The following ZNF12 variants were observed in gnomAD, a reference collection of about 807,000 sequenced individuals.
The protein encoded by ZNF12 is gonadotropin inducible transcription repressor 3.
Under a neutral mutation model 66.6 loss-of-function variants are expected in ZNF12, and 34 were observed. That is an observed-to-expected ratio of 0.51 (90% confidence interval 0.39 to 0.68). The LOEUF (loss-of-function observed/expected upper bound fraction) is 0.68, where lower values mean the gene tolerates loss of function less well. ZNF12 is among the 30% of genes least tolerant of loss of function. The pLI, the probability that ZNF12 is intolerant of heterozygous loss-of-function variation, is 0.00. For synonymous variants in ZNF12, 320 were observed against 278.9 expected (o/e 1.15, Z -1.47); for missense variants, 697 against 826.9 (o/e 0.84, Z 1.93).
chr7:6,696,501 C>T lies in ZNF12; in HGVS notation c.238+838G>A, dbSNP rs976361715. Among the ~76,000 whole-genome samples, 5 of 151,964 alleles carry T rather than the reference C, an allele frequency of 3.3e-5. No individual in the cohort carries two copies. The highest frequency in any genetic ancestry group is 2.1e-4 in the South Asian group (1 of 4,822). On this transcript the variant is annotated intron_variant, in intron 4 of 4. Coordinates refer to ENST00000405858, the MANE Select transcript of ZNF12 (RefSeq NM_016265.4). This position sits in a 1 kb window ranked among gnomAD's most constrained non-coding sequence, Gnocchi z 4.0. Reference sequence around the variant, plus strand: ...GGTGGTAGAGATGTCATCCTGGGTGCGAGCAACATAAAATAAAAAACAAAG... The same window carrying T: ...GGTGGTAGAGATGTCATCCTGGGTGTGAGCAACATAAAATAAAAAACAAAG...
At position 6,703,607 on chromosome 7, in the gene ZNF12, A is replaced by G. The variant is rs374818157; in HGVS notation, c.15+1552T>C. 3.3e-5 allele frequency among the ~76,000 whole-genome samples: 5 copies of G among 152,318 alleles called. 1 individual carries two copies. The highest frequency in any genetic ancestry group is 1.2e-4 in the African/African-American group (5 of 41,576). On this transcript the variant is annotated intron_variant, in intron 2 of 4. Coordinates refer to ENST00000405858, the MANE Select transcript of ZNF12 (RefSeq NM_016265.4). ...TAATTATTCTGAACCTGCTGCATCT[A>G]TGACCTTGAGGGGTCCTTTGGACAC...
rs780044497 is a variant in ZNF12, at chr7:6,690,917, T to C, written c.2025A>G (p.Ala675=). ...ECGKKFYHKS[A]FNSHQRIHRR... is the part of the protein sequence containing the mutation. ...TATGAATTCTCTGATGGCTGTTGAATGCTGATTTGTGGTAGAATTTTTTTC... is the reference window on the plus strand; with the variant it reads ...TATGAATTCTCTGATGGCTGTTGAACGCTGATTTGTGGTAGAATTTTTTTC... Residue 675 remains alanine, a synonymous_variant, in exon 5 of 5, where the codon GCA becomes GCG. Transcript: ENST00000405858. The C allele has an allele frequency of 1.5e-5, 24 of 1,614,080 alleles. No homozygotes were observed. The South Asian group carries it at 2.6e-4, about 18-fold the overall frequency.
Position 6,690,735 on chromosome 7 carries a change from G to T in ZNF12, c.*113C>A. 9.3e-7 allele frequency: 1 copy of T among 1,073,846 alleles called. No homozygotes were observed. The highest frequency in any genetic ancestry group is 1.3e-6 in the Non-Finnish European group (1 of 765,840). The allele number at this position is 1,073,846 out of a possible 1,614,324, so 66.5% of individuals were successfully genotyped here. A position where few individuals can be genotyped will look rare whatever the true frequency, so the allele number is the denominator to read the frequency against. ...AGATTATGAGTCCAACACACAAGGG[G>T]ATGTCCACACTAACCTGTGTGAACT... On this transcript the variant is annotated 3_prime_UTR_variant, in exon 5 of 5. Transcript: ENST00000405858.
At position 6,692,390 on chromosome 7, in the gene ZNF12, A is replaced by T. The variant is rs771361747; in HGVS notation, c.552T>A (p.His184Gln). The T allele has an allele frequency of 1.2e-6, 2 of 1,612,750 alleles. No homozygotes were observed. Among genetic ancestry groups the T allele is most frequent in the South Asian group, 2.2e-5 (2 of 90,692 alleles). The part of the protein sequence containing the change: ...SLLHIKLEKT[H>Q]PGDQAYEFNQ... ...TAAATTCATAAGCTTGATCTCCTGGATGAGTTTTCTCAAGCTTAATATGGA... is the reference window on the plus strand; with the variant it reads ...TAAATTCATAAGCTTGATCTCCTGGTTGAGTTTTCTCAAGCTTAATATGGA... Residue 184 changes from histidine to glutamine, a missense_variant, in exon 5 of 5, where the codon CAT (histidine) becomes CAA (glutamine). By Grantham distance (24) the His-to-Gln change is conservative. Around this residue, in one of 3 missense-constraint regions of ZNF12, gnomAD observed 241 missense variants for 224.0 expected, o/e 1.08. Transcript: ENST00000405858. This position sits in a 1 kb window ranked among gnomAD's most constrained non-coding sequence, Gnocchi z 5.1.
Position 6,697,564 on chromosome 7 carries a change from G to C in ZNF12, c.142+121C>G, listed in dbSNP as rs919084708. On this transcript the variant is annotated intron_variant, in intron 3 of 4. Coordinates refer to ENST00000405858, the MANE Select transcript of ZNF12 (RefSeq NM_016265.4). This position sits in a 1 kb window ranked among gnomAD's most constrained non-coding sequence, Gnocchi z 6.1. ...TCACGGGGGAGATCAAGACCAAAAT[G>C]CCCTGCCTGGTGCCCAAAAACAGAT... 1.3e-6 allele frequency: 2 copies of C among 1,532,428 alleles called. No individual in the cohort carries two copies. The highest frequency in any genetic ancestry group is 1.8e-6 in the Non-Finnish European group (2 of 1,121,574). The allele number at this position is 1,532,428 out of a possible 1,614,324, so 94.9% of individuals were successfully genotyped here. A position where few individuals can be genotyped will look rare whatever the true frequency, so the allele number is the denominator to read the frequency against.
At chr7:6,694,298 C>A (rs1780120544) in intron 4 of ZNF12, among the ~76,000 whole-genome samples, 1 of 152,122 alleles carries the variant, frequency 6.6e-6, no homozygotes, top group South Asian at 2.1e-4. Context: ...TGCTATCATG[C>A]ACATTAAGTG....
Position 6,705,719 on chromosome 7 carries a change from A to G in ZNF12, c.-50-496T>C, listed in dbSNP as rs1562603719. 6.6e-6 allele frequency among the ~76,000 whole-genome samples: 1 copy of G among 152,026 alleles called. No homozygotes were observed. The highest frequency in any genetic ancestry group is 1.5e-5 in the Non-Finnish European group (1 of 68,010). On this transcript the variant is annotated intron_variant, in intron 1 of 4. Transcript: ENST00000405858. This position sits in a 1 kb window ranked among gnomAD's most constrained non-coding sequence, Gnocchi z 4.0. ...GGGCAACAAAGCGAAACTTGTCTCAAAAACAAACAAACAAACAAACAAAAA... is the reference window on the plus strand; with the variant it reads ...GGGCAACAAAGCGAAACTTGTCTCAGAAACAAACAAACAAACAAACAAAAA...
chr7:6,691,193 C>T lies in ZNF12; in HGVS notation c.1749G>A (p.Gly583=), dbSNP rs568060126. 1.2e-5 allele frequency: 20 copies of T among 1,611,150 alleles called. No individual in the cohort carries two copies. The African/African-American group carries it at 2.6e-4, about 21-fold the overall frequency. ...GEKPYECSEC[G]KTFCQNSALN... ...GGGCTGAATTCTGGCAGAAGGTTTT[C>T]CCACATTCACTACATTCATAGGGCT... The change falls in exon 5 of 5, where the codon GGG becomes GGA. Residue 583 remains glycine, a synonymous_variant. Transcript: ENST00000405858.
rs774190186 is a variant in ZNF12, at chr7:6,702,486, C to CCACATACACA, written c.15+2672_15+2673insTGTGTATGTG. 2.3e-3 allele frequency among the ~76,000 whole-genome samples: 98 copies of CCACATACACA among 42,756 alleles called. 9 individuals carry two copies. The highest frequency in any genetic ancestry group is 4.1e-3 in the Admixed American group (17 of 4,134). The allele number at this position is 42,756 out of a possible 152,430, so 28.0% of individuals were successfully genotyped here. ...ACGCACCAGATTCGTCTCCCAAACTCCACACACACACACACACACACAGAT... is the reference window on the plus strand; with the variant it reads ...ACGCACCAGATTCGTCTCCCAAACTCCACATACACACACACACACACACACACACACAGAT... On this transcript the variant is annotated intron_variant, in intron 2 of 4. Coordinates refer to ENST00000405858, the MANE Select transcript of ZNF12 (RefSeq NM_016265.4).
rs752275892 is a variant in ZNF12, at chr7:6,692,350, G to C, written c.592C>G (p.Pro198Ala). ...QAYEFNQNGE[P>A]YTLNEESLYQ... is the part of the protein sequence containing the mutation. ...AGACTTTCTTCATTTAGAGTATAAG[G>C]TTCCCCATTTTGATTAAATTCATAA... The change falls in exon 5 of 5, where the codon CCT becomes GCT. Residue 198 changes from proline to alanine, a missense_variant. Pro to Ala is a conservative substitution (Grantham distance 27). Transcript: ENST00000405858. This position sits in a 1 kb window ranked among gnomAD's most constrained non-coding sequence, Gnocchi z 5.1. 2 of 1,609,976 alleles carry C rather than the reference G, an allele frequency of 1.2e-6. No homozygotes were observed. The highest frequency in any genetic ancestry group is 8.5e-7 in the Non-Finnish European group (1 of 1,178,062).
chr7:6,691,031 C>G lies in ZNF12; in HGVS notation c.1911G>C (p.Glu637Asp). Reference sequence around the variant, plus strand: ...ACATCCGAGAGAAGGCTTTTCCACACTCATTACATTCAAAGGGTTTCTCTC... The same window carrying G: ...ACATCCGAGAGAAGGCTTTTCCACAGTCATTACATTCAAAGGGTTTCTCTC... ...HSGEKPFECN[E>D]CGKAFSRMSY... The change falls in exon 5 of 5, where the codon GAG (glutamate) becomes GAC (aspartate). Residue 637 changes from glutamate (E) to aspartate (D), a missense_variant. This residue lies in a region of ZNF12 where 401 missense variants were observed against 519.0 expected (regional missense o/e 0.77). Coordinates refer to ENST00000405858, the MANE Select transcript of ZNF12 (RefSeq NM_016265.4). 6.2e-7 allele frequency: 1 copy of G among 1,613,738 alleles called. No individual in the cohort carries two copies.
chr7:6,692,230 C>T lies in ZNF12; in HGVS notation c.712G>A (p.Glu238Lys). Residue 238 changes from glutamate (E) to lysine (K), a missense_variant, in exon 5 of 5, where the codon GAA becomes AAA. By Grantham distance (56) the Glu-to-Lys change is moderately conservative. Coordinates refer to ENST00000405858, the MANE Select transcript of ZNF12 (RefSeq NM_016265.4). This position sits in a 1 kb window ranked among gnomAD's most constrained non-coding sequence, Gnocchi z 5.1. ...KDTVFVNHME[E>K]KPYKWNGSEI... is the part of the protein sequence containing the mutation. ...GATCCATTCCACTTATAGGGCTTTT[C>T]TTCCATGTGATTAACAAAAACAGTG... 4 of 1,613,910 alleles carry T rather than the reference C, an allele frequency of 2.5e-6. No individual in the cohort carries two copies.
At position 6,705,143 on chromosome 7, in the gene ZNF12, G is replaced by C; in HGVS notation, c.15+16C>G. Reference sequence around the variant, plus strand: ...AAATCAGAGTAGAGAATAAATACATGAACAGAAACACTCACCAGGGATTTA... The same window carrying C: ...AAATCAGAGTAGAGAATAAATACATCAACAGAAACACTCACCAGGGATTTA... On this transcript the variant is annotated intron_variant, in intron 2 of 4. Coordinates refer to ENST00000405858, the MANE Select transcript of ZNF12 (RefSeq NM_016265.4). The surrounding 1 kb of genome is among the most constrained non-coding windows in gnomAD (Gnocchi z 4.0). The C allele has an allele frequency of 6.2e-7, 1 of 1,613,114 alleles. No individual in the cohort carries two copies. The highest frequency in any genetic ancestry group is 8.5e-7 in the Non-Finnish European group (1 of 1,179,432).
intron 2 of ZNF12, among the ~76,000 whole-genome samples, chr7:6,699,243 G>A (rs1050934218): frequency 3.3e-5 from 5 of 152,244 alleles, no homozygotes; most frequent in Admixed American, 6.5e-5. Context: ...TACGTAAGAT[G>A]ATGACAAACT....
Position 6,698,466 on chromosome 7 carries a change from T to C in ZNF12, c.16-655A>G, listed in dbSNP as rs533450491. 1.1e-4 allele frequency among the ~76,000 whole-genome samples: 16 copies of C among 152,302 alleles called. No homozygotes were observed. In the South Asian group the frequency reaches 3.3e-3, roughly 32 times the overall value. ...GATGGCAAACTCAACATCCCTGAAA[T>C]TCAATTGCTGTTCCTGTTCAAACCT... On this transcript the variant is annotated intron_variant, in intron 2 of 4. Coordinates refer to ENST00000405858, the MANE Select transcript of ZNF12 (RefSeq NM_016265.4). This position sits in a 1 kb window ranked among gnomAD's most constrained non-coding sequence, Gnocchi z 4.4.
Position 6,692,332 on chromosome 7 carries a change from C to G in ZNF12, c.610G>C (p.Glu204Gln), listed in dbSNP as rs1780083981. 1 of 1,609,478 alleles carries G rather than the reference C, an allele frequency of 6.2e-7. No individual in the cohort carries two copies. Among genetic ancestry groups the G allele is most frequent in the African/African-American group, 1.3e-5 (1 of 74,580 alleles). The change falls in exon 5 of 5, where the codon GAA (glutamate) becomes CAA (glutamine). Residue 204 changes from glutamate (E) to glutamine (Q), a missense_variant. Glu to Gln is a conservative substitution (Grantham distance 29). This residue lies in a region of ZNF12 where 241 missense variants were observed against 224.0 expected (regional missense o/e 1.08). Coordinates refer to ENST00000405858, the MANE Select transcript of ZNF12 (RefSeq NM_016265.4). The surrounding 1 kb of genome is among the most constrained non-coding windows in gnomAD (Gnocchi z 5.1). Reference sequence around the variant, plus strand: ...ATACGAATTTTCTGATAAAGACTTTCTTCATTTAGAGTATAAGGTTCCCCA... The same window carrying G: ...ATACGAATTTTCTGATAAAGACTTTGTTCATTTAGAGTATAAGGTTCCCCA... ...QNGEPYTLNE[E>Q]SLYQKIRILE...
chr7:6,700,934 T>C (rs1043594835), intron 2 of ZNF12: 1 of 152,124 alleles, frequency 6.6e-6, no homozygotes, highest in Non-Finnish European at 1.5e-5. Context: ...TGAATCACAA[T>C]ACTTTGATGG....
rs181227288 is a variant in ZNF12 at position 6,701,481 on chromosome 7, A to G, written c.16-3670T>C. 9.8e-4 allele frequency among the ~76,000 whole-genome samples: 150 copies of G among 152,298 alleles called. 1 individual carries two copies. The highest frequency in any genetic ancestry group is 6.8e-3 in the Middle Eastern group (2 of 294). ...TGCTCTAATCGCTTTCAGCTGAGAA[A>G]CACCAGTATCATGACACAAGCTCCC... On this transcript the variant is annotated intron_variant, in intron 2 of 4. Coordinates refer to ENST00000405858, the MANE Select transcript of ZNF12 (RefSeq NM_016265.4).
intron 2 of ZNF12, among the ~76,000 whole-genome samples, chr7:6,699,789 C>T (rs531093967): frequency 6.6e-6 from 1 of 152,178 alleles, no homozygotes; most frequent in South Asian, 2.1e-4. Flanking sequence ...AAAGGACTTT[C>T]AAGGACTCAT....
Sources: gnomAD v4.1 joint callset for allele counts (sites outside exome capture counted in the v4.1 genomes callset) on GRCh38, gnomAD v4.1.1 for gene constraint, gnomAD v4.1.1 regional missense constraint, Gnocchi (gnomAD v3.1) non-coding constraint, MANE v1.5 for transcripts, NCBI Gene and HGNC (gene_info 2026-07-23, HGNC 2026-07-21) for gene names.